RBFOX1: variants seen among roughly 807,000 people sequenced by gnomAD.
RBFOX1 encodes the protein RNA binding protein fox-1 homolog 1.
RBFOX1 carries 8 observed loss-of-function variants against 57.7 expected under a neutral mutation model. The observed-to-expected ratio is 0.14, with a 90% CI of 0.08 to 0.25. The LOEUF (loss-of-function observed/expected upper bound fraction) is 0.25. RBFOX1 is among the 10% of genes least tolerant of loss of function. RBFOX1 has a pLI of 1.00. For synonymous variants in RBFOX1, 326 were observed against 222.4 expected (o/e 1.47, Z -4.15); for missense variants, 611 against 548.5 (o/e 1.11, Z -1.14).
chr16:6,918,331 A>T (rs2073714634), intron 3 of RBFOX1, among the ~76,000 whole-genome samples: 1 of 151,422 alleles, frequency 6.6e-6, no homozygotes, highest in African/African-American at 2.4e-5. Flanking sequence ...CCCCAGGCCT[A>T]CCGAATCAGA....
At position 5,997,207 on chromosome 16, in the gene RBFOX1, C is replaced by T. The variant is rs557509223; in HGVS notation, c.351+129872C>T. Among the ~76,000 whole-genome samples, 55 of 152,262 alleles carry T rather than the reference C, an allele frequency of 3.6e-4. 3 individuals are homozygous for T. In the South Asian group the frequency reaches 9.3e-3, roughly 26 times the overall value. ...TCCAAACCTACCAGGAAGCCCATAG[C>T]TGTTGTTGGTCCAGGTCAGCCTCCT... On this transcript the variant is annotated intron_variant, in intron 4 of 19. Transcript: ENST00000641259.
chr16:6,477,982 C>T (rs117046769), intron 2 of RBFOX1, among the ~76,000 whole-genome samples: 1 of 152,082 alleles, frequency 6.6e-6, no homozygotes, highest in Admixed American at 6.5e-5. Context: ...CCACCTCTCT[C>T]TGCCTCCATA....
intron 4 of RBFOX1, among the ~76,000 whole-genome samples, chr16:7,294,604 C>G: frequency 6.6e-6 from 1 of 151,732 alleles, no homozygotes; most frequent in South Asian, 2.1e-4. Flanking sequence ...GGGACTTACT[C>G]CTGCTCTAAT....
At chr16:7,396,667 T>C (rs1308215361) in intron 4 of RBFOX1, among the ~76,000 whole-genome samples, 1 of 151,992 alleles carries the variant, frequency 6.6e-6, no homozygotes, top group Non-Finnish European at 1.5e-5. Flanking sequence ...GGGCTGAGAG[T>C]GGTGACTTAC....
intron 5 of RBFOX1, among the ~76,000 whole-genome samples, chr16:7,518,838 C>A (rs541246127): frequency 1.3e-5 from 2 of 152,172 alleles, no homozygotes; most frequent in East Asian, 3.9e-4. Flanking sequence ...GCCTGGGCAA[C>A]AAAGTGAGAC....
At chr16:6,312,886 C>T (rs12933486) in intron 1 of RBFOX1, among the ~76,000 whole-genome samples, 48,088 of 151,984 alleles carry the variant, frequency 0.32, 8,047 homozygotes, top group Middle Eastern at 0.41. Context: ...CTCCTGCCCT[C>T]ATGGAGCTAA....
intron 1 of RBFOX1, among the ~76,000 whole-genome samples, chr16:5,396,641 C>T (rs968462246): frequency 2.0e-5 from 3 of 151,544 alleles, no homozygotes; most frequent in Admixed American, 6.6e-5. Flanking sequence ...GACTCTGTCT[C>T]GAAGAAAAAG....
intron 2 of RBFOX1, among the ~76,000 whole-genome samples, chr16:6,559,485 G>T (rs1038804316): frequency 6.6e-6 from 1 of 152,030 alleles, no homozygotes; most frequent in African/African-American, 2.4e-5. Context: ...CCTGAACTAT[G>T]CATTTTTTGA....
chr16:5,447,378 A>ATCTCTCTCTG (rs2068277730), intron 1 of RBFOX1, among the ~76,000 whole-genome samples: 1 of 134,360 alleles, frequency 7.4e-6, no homozygotes, highest in African/African-American at 3.0e-5. Context: ...CAATCAATCA[A>ATCTCTCTCTG]TCTCTCTCTC....
At chr16:6,452,372 C>G (rs890480289) in intron 2 of RBFOX1, among the ~76,000 whole-genome samples, 6 of 151,188 alleles carry the variant, frequency 4.0e-5, no homozygotes, top group African/African-American at 1.5e-4. Flanking sequence ...CCCTGGCTCT[C>G]TTCTTTCCAT....
intron 3 of RBFOX1, among the ~76,000 whole-genome samples, chr16:6,764,022 C>T (rs1286184073): frequency 6.6e-6 from 1 of 152,160 alleles, no homozygotes; most frequent in Non-Finnish European, 1.5e-5. Flanking sequence ...TTAATGCTGT[C>T]TGCATGCTGT....
intron 4 of RBFOX1, among the ~76,000 whole-genome samples, chr16:7,353,453 C>G (rs1243117306): frequency 6.6e-6 from 1 of 152,094 alleles, no homozygotes; most frequent in Non-Finnish European, 1.5e-5. Context: ...CAATTCTGCT[C>G]CTAGGTATAT....
chr16:7,306,041 G>A (rs2096175891), intron 4 of RBFOX1, among the ~76,000 whole-genome samples: 1 of 152,180 alleles, frequency 6.6e-6, no homozygotes, highest in African/African-American at 2.4e-5. Flanking sequence ...TTATTACTGA[G>A]TTGATCTTTT....
At chr16:6,954,000 C>T (rs998967363) in intron 3 of RBFOX1, among the ~76,000 whole-genome samples, 1 of 152,160 alleles carries the variant, frequency 6.6e-6, no homozygotes, top group Admixed American at 6.5e-5. Flanking sequence ...GTCTTACGCA[C>T]ATGTCAAGAC....
intron 1 of RBFOX1, among the ~76,000 whole-genome samples, chr16:5,417,606 G>A (rs1473106421): frequency 6.6e-6 from 1 of 152,194 alleles, no homozygotes; most frequent in Non-Finnish European, 1.5e-5. Flanking sequence ...GGGCAGACAT[G>A]GGCTGGTATC....
Position 7,518,311 on chromosome 16 carries a change from C to T in RBFOX1, c.192C>T (p.Asn64=), listed in dbSNP as rs1399812192. The stretch of plus-strand genomic sequence containing the variant: ...CCACGGTTCCCGAGCACACATTAAA[C>T]CTGTACCCTCCCGCCCAGACGCACT... The part of the protein sequence containing the change: ...GQTTVPEHTL[N]LYPPAQTHSE... The change falls in exon 5 of 16, where the codon AAC becomes AAT. Residue 64 remains asparagine, a synonymous_variant. Coordinates refer to ENST00000550418, the MANE Select transcript of RBFOX1 (RefSeq NM_018723.4). The T allele has an allele frequency of 3.1e-6, 5 of 1,614,022 alleles. No homozygotes were observed. The Admixed American group carries it at 5.0e-5, about 16-fold the overall frequency.
intron 2 of RBFOX1, among the ~76,000 whole-genome samples, chr16:6,628,446 T>A (rs757722456): frequency 1.3e-5 from 2 of 152,212 alleles, no homozygotes; most frequent in African/African-American, 2.4e-5. Flanking sequence ...ATAGAAAATA[T>A]GAAAGAATCA....
At chr16:5,525,792 C>G (rs899775236) in intron 2 of RBFOX1, among the ~76,000 whole-genome samples, 2 of 152,224 alleles carry the variant, frequency 1.3e-5, no homozygotes, top group South Asian at 2.1e-4. Context: ...GCCACTGTGT[C>G]CAGCCTAGAG....
intron 2 of RBFOX1, among the ~76,000 whole-genome samples, chr16:6,560,490 G>T (rs1316089841): frequency 1.3e-5 from 2 of 152,096 alleles, no homozygotes; most frequent in African/African-American, 4.8e-5. Flanking sequence ...AAGATCTAAG[G>T]CTTGAGAGTA....
Sources: allele counts gnomAD v4.1 joint callset (sites outside exome capture counted in the v4.1 genomes callset), GRCh38; gene constraint gnomAD v4.1.1; transcripts MANE v1.5; gene names NCBI Gene and HGNC (gene_info 2026-07-23, HGNC 2026-07-21).